HS3ST3A1: variants seen among roughly 807,000 people sequenced by gnomAD.
The protein encoded by HS3ST3A1 is heparan sulfate glucosamine 3-O-sulfotransferase 3A1.
In HS3ST3A1, 19 loss-of-function variants were observed where a neutral mutation model predicts 25.7. That is an observed-to-expected ratio of 0.74 (90% confidence interval 0.52 to 1.08). The LOEUF (loss-of-function observed/expected upper bound fraction) is 1.08. Among genes scored for constraint, HS3ST3A1 ranks in the 50% least tolerant of loss-of-function variants. The pLI, the probability that HS3ST3A1 is intolerant of heterozygous loss-of-function variation, is 0.00. For missense variants in HS3ST3A1, 459 were observed against 594.3 expected (o/e 0.77, Z 2.37); for synonymous variants, 226 against 278.6 (o/e 0.81, Z 1.88).
intron 1 of HS3ST3A1, among the ~76,000 whole-genome samples, chr17:13,581,001 C>G (rs894001000): frequency 1.3e-5 from 2 of 152,156 alleles, no homozygotes; most frequent in Non-Finnish European, 2.9e-5. Flanking sequence ...CTGGGTGCAA[C>G]TTTCGCTTTT....
chr17:13,576,322 G>A (rs1005604790), intron 1 of HS3ST3A1, among the ~76,000 whole-genome samples: 4 of 152,198 alleles, frequency 2.6e-5, no homozygotes, highest in African/African-American at 4.8e-5. Flanking sequence ...GCTTGAATAA[G>A]GTGGAAGAGT....
chr17:13,599,985 A>T, intron 1 of HS3ST3A1, among the ~76,000 whole-genome samples: 1 of 152,234 alleles, frequency 6.6e-6, no homozygotes, highest in East Asian at 1.9e-4. Flanking sequence ...AGACAGACAT[A>T]TATTTTCCAA....
chr17:13,600,725 C>T lies in HS3ST3A1; in HGVS notation c.405G>A (p.Glu135=), dbSNP rs772875081. ...GCAGCGCCAGGGTCCCCGGCGGGGC[C>T]TCGGCCACGGTGCTTCCGGCCCCGG... ...GGSGAGSTVA[E]APPGTLALLL... is the part of the protein sequence containing the mutation. The change falls in exon 1 of 2, where the codon GAG becomes GAA. Residue 135 remains glutamate, a synonymous_variant. Coordinates refer to ENST00000284110, the MANE Select transcript of HS3ST3A1 (RefSeq NM_006042.3). 14 of 1,546,684 alleles carry T rather than the reference C, an allele frequency of 9.1e-6. No homozygotes were observed. Among genetic ancestry groups the T allele is most frequent in the Non-Finnish European group, 1.1e-5 (13 of 1,153,550 alleles).
At chr17:13,497,032 T>C (rs1341040623) in intron 1 of HS3ST3A1, among the ~76,000 whole-genome samples, 2 of 152,308 alleles carry the variant, frequency 1.3e-5, no homozygotes, top group East Asian at 3.9e-4. Context: ...CATACAGTTT[T>C]GTGATGATTA....
At chr17:13,587,362 G>A (rs1177381058) in intron 1 of HS3ST3A1, among the ~76,000 whole-genome samples, 1 of 152,208 alleles carries the variant, frequency 6.6e-6, no homozygotes, top group Non-Finnish European at 1.5e-5. Context: ...GCCGAGGCAG[G>A]AGAATCGCTT....
chr17:13,527,362 A>C (rs977638603), intron 1 of HS3ST3A1, among the ~76,000 whole-genome samples: 2 of 152,224 alleles, frequency 1.3e-5, no homozygotes, highest in Non-Finnish European at 2.9e-5. Context: ...GATTCTGTCC[A>C]ATTATACTTT....
chr17:13,585,924 ACTGCAACCT>A (rs1487508896), intron 1 of HS3ST3A1, among the ~76,000 whole-genome samples: 3 of 132,584 alleles, frequency 2.3e-5, no homozygotes, highest in Admixed American at 9.3e-5. Context: ...ATCTCGGCTC[ACTGCAACCT>A]CTGCCTCCCA....
chr17:13,504,240 C>T (rs1905582625), intron 1 of HS3ST3A1, among the ~76,000 whole-genome samples: 1 of 152,082 alleles, frequency 6.6e-6, no homozygotes, highest in South Asian at 2.1e-4. Context: ...TAACTTGAAC[C>T]CAGGAAGTGG....
rs8078647 is a variant in HS3ST3A1 at position 13,580,944 on chromosome 17, G to A, written c.599+19587C>T. Among the ~76,000 whole-genome samples the A allele has an allele frequency of 2.6e-3, 397 of 152,180 alleles. 15 individuals are homozygous for A. The East Asian group carries it at 0.052, about 20-fold the overall frequency. On this transcript the variant is annotated intron_variant, in intron 1 of 1. Coordinates refer to ENST00000284110, the MANE Select transcript of HS3ST3A1 (RefSeq NM_006042.3). ...CAGTCAATTGAGGTCTCTGGTAGGCGGTTGGGGCATGTACCTGCATGTGTG... is the reference window on the plus strand; with the variant it reads ...CAGTCAATTGAGGTCTCTGGTAGGCAGTTGGGGCATGTACCTGCATGTGTG...
chr17:13,507,069 CA>C (rs112172600), intron 1 of HS3ST3A1, among the ~76,000 whole-genome samples: 15,863 of 92,010 alleles, frequency 0.17, 1,516 homozygotes, highest in African/African-American at 0.36. Context: ...ACTCCGTCTC[CA>C]AAAAAAAAAA....
At chr17:13,543,921 G>C (rs1472073719) in intron 1 of HS3ST3A1, among the ~76,000 whole-genome samples, 1 of 152,118 alleles carries the variant, frequency 6.6e-6, no homozygotes, top group African/African-American at 2.4e-5. Context: ...CTCATCAAGG[G>C]TTACCACTAA....
intron 1 of HS3ST3A1, among the ~76,000 whole-genome samples, chr17:13,524,445 A>G (rs1906345678): frequency 6.6e-6 from 1 of 152,076 alleles, no homozygotes; most frequent in African/African-American, 2.4e-5. Context: ...TTTTGTAGAT[A>G]TGGGGTATCA....
intron 1 of HS3ST3A1, among the ~76,000 whole-genome samples, chr17:13,514,490 A>G (rs1044014723): frequency 1.4e-4 from 21 of 152,188 alleles, no homozygotes; most frequent in Non-Finnish European, 2.8e-4. Flanking sequence ...CTGACACGCC[A>G]CCTACATCAT....
intron 1 of HS3ST3A1, among the ~76,000 whole-genome samples, chr17:13,500,702 C>T (rs539506810): frequency 1.3e-5 from 2 of 152,236 alleles, no homozygotes; most frequent in South Asian, 4.1e-4. Flanking sequence ...TTGAGACCAA[C>T]ACTATAAGGA....
chr17:13,586,491 G>A (rs989899634), intron 1 of HS3ST3A1, among the ~76,000 whole-genome samples: 1 of 151,962 alleles, frequency 6.6e-6, no homozygotes, highest in Non-Finnish European at 1.5e-5. Context: ...GCAGCCAGTA[G>A]AATAGCCATT....
At chr17:13,590,852 G>C (rs1908403706) in intron 1 of HS3ST3A1, among the ~76,000 whole-genome samples, 1 of 152,098 alleles carries the variant, frequency 6.6e-6, no homozygotes, top group African/African-American at 2.4e-5. Context: ...ATATGGAACA[G>C]TGAAAAAGAC....
chr17:13,535,790 A>G (rs866731000), intron 1 of HS3ST3A1, among the ~76,000 whole-genome samples: 1 of 152,174 alleles, frequency 6.6e-6, no homozygotes, highest in Middle Eastern at 3.2e-3. Context: ...TCAGAAACAC[A>G]CCTGTTCATT....
At chr17:13,536,384 A>G (rs1906770853) in intron 1 of HS3ST3A1, among the ~76,000 whole-genome samples, 1 of 152,206 alleles carries the variant, frequency 6.6e-6, no homozygotes, top group South Asian at 2.1e-4. Context: ...ACGTGAGAAA[A>G]TATACTCTTT....
At chr17:13,516,928 C>T (rs550497848) in intron 1 of HS3ST3A1, among the ~76,000 whole-genome samples, 2 of 152,248 alleles carry the variant, frequency 1.3e-5, no homozygotes, top group South Asian at 2.1e-4. Flanking sequence ...CCTCGTGACC[C>T]GCCCGCCTCG....
Sources: gnomAD v4.1 joint callset for allele counts (sites outside exome capture counted in the v4.1 genomes callset) on GRCh38, gnomAD v4.1.1 for gene constraint, MANE v1.5 for transcripts, NCBI Gene and HGNC (gene_info 2026-07-23, HGNC 2026-07-21) for gene names.